CHSY1: variants seen among roughly 807,000 people sequenced by gnomAD.
CHSY1 encodes N-acetylgalactosaminyl-proteoglycan 3-beta-glucuronosyltransferase 1.
In CHSY1, 13 loss-of-function variants were observed where a neutral mutation model predicts 59.8. The ratio of observed to expected loss-of-function variants is 0.22; its 90% CI spans 0.14 to 0.35. The LOEUF is 0.35. Among genes scored for constraint, CHSY1 ranks in the 10% least tolerant of loss-of-function variants. The pLI, the probability that CHSY1 is intolerant of heterozygous loss-of-function variation, is 1.00. For synonymous variants in CHSY1, 459 were observed against 401.2 expected (o/e 1.14, Z -1.72); for missense variants, 947 against 1,030.6 (o/e 0.92, Z 1.11).
chr15:101,205,105 A>G (rs1316622344), intron 2 of CHSY1, among the ~76,000 whole-genome samples: 1 of 152,152 alleles, frequency 6.6e-6, no homozygotes, highest in Non-Finnish European at 1.5e-5. Context: ...TTTCCTCTGT[A>G]ATCTATTTTT....
intron 2 of CHSY1, among the ~76,000 whole-genome samples, chr15:101,232,249 A>C (rs1743400030): frequency 6.6e-6 from 1 of 152,218 alleles, no homozygotes; most frequent in African/African-American, 2.4e-5. Context: ...CTTTAACATA[A>C]GACTCCACCT....
At chr15:101,213,090 GAA>G (rs2038697824) in intron 2 of CHSY1, among the ~76,000 whole-genome samples, 1 of 152,104 alleles carries the variant, frequency 6.6e-6, no homozygotes, top group African/African-American at 2.4e-5. Context: ...TAATTCTTCC[GAA>G]AAGAGGAAGA....
At chr15:101,230,502 ATACAT>A (rs2038882739) in intron 2 of CHSY1, among the ~76,000 whole-genome samples, 1 of 152,240 alleles carries the variant, frequency 6.6e-6, no homozygotes, top group Non-Finnish European at 1.5e-5. Context: ...ATATACATGA[ATACAT>A]TAAACCATAC....
At chr15:101,238,590 C>T (rs953658926) in intron 1 of CHSY1, among the ~76,000 whole-genome samples, 14 of 152,234 alleles carry the variant, frequency 9.2e-5, no homozygotes, top group Admixed American at 4.6e-4. Flanking sequence ...CCCATGACGC[C>T]GGTAACTATA....
At chr15:101,199,725 TG>T (rs919456825) in intron 2 of CHSY1, among the ~76,000 whole-genome samples, 2 of 152,136 alleles carry the variant, frequency 1.3e-5, no homozygotes, top group African/African-American at 4.8e-5. Flanking sequence ...ATGAAAAACC[TG>T]GAAGTGGCAA....
At chr15:101,225,910 G>A (rs1413466424) in intron 2 of CHSY1, among the ~76,000 whole-genome samples, 5 of 152,068 alleles carry the variant, frequency 3.3e-5, no homozygotes, top group African/African-American at 7.2e-5. Flanking sequence ...TAAAGAAAAC[G>A]ATATGTCGAT....
intron 2 of CHSY1, among the ~76,000 whole-genome samples, chr15:101,184,192 G>C (rs1302781866): frequency 6.6e-6 from 1 of 152,162 alleles, no homozygotes; most frequent in African/African-American, 2.4e-5. Flanking sequence ...AAGTGTTTTA[G>C]AAGCTGCCTA....
chr15:101,237,711 C>G (rs184971765), intron 1 of CHSY1, among the ~76,000 whole-genome samples: 1 of 152,210 alleles, frequency 6.6e-6, no homozygotes, highest in Non-Finnish European at 1.5e-5. Context: ...GCTATCATAT[C>G]GCACTTTCCC....
Position 101,205,951 on chromosome 15 carries a change from C to CA in CHSY1, c.817-26972dup, listed in dbSNP as rs1170295420. Among the ~76,000 whole-genome samples the CA allele has an allele frequency of 4.1e-3, 554 of 133,918 alleles. 3 individuals carry two copies. Among genetic ancestry groups the CA allele is most frequent in the East Asian group, 0.029 (136 of 4,670 alleles). The allele number at this position is 133,918 out of a possible 152,430, so 87.9% of individuals were successfully genotyped here. On this transcript the variant is annotated intron_variant, in intron 2 of 2. Coordinates refer to ENST00000254190, the MANE Select transcript of CHSY1 (RefSeq NM_014918.5). ...TGGGCGAAAGAGAGAGACTCCGTCT[C>CA]AAAAAAAAAAAAAGAAGATTGTTTA...
intron 2 of CHSY1, among the ~76,000 whole-genome samples, chr15:101,203,432 CA>C (rs2038592962): frequency 6.6e-6 from 1 of 152,074 alleles, no homozygotes; most frequent in South Asian, 2.1e-4. Context: ...TAAGAATTAC[CA>C]AAAGCCCCCA....
chr15:101,199,583 TTAAA>T (rs1183739062), intron 2 of CHSY1, among the ~76,000 whole-genome samples: 1 of 152,196 alleles, frequency 6.6e-6, no homozygotes, highest in Non-Finnish European at 1.5e-5. Flanking sequence ...ACTTACATAC[TTAAA>T]TGACTGAACT....
Position 101,213,109 on chromosome 15 carries a change from G to A in CHSY1, c.816+21973C>T, listed in dbSNP as rs78173157. On this transcript the variant is annotated intron_variant, in intron 2 of 2. Coordinates refer to ENST00000254190, the MANE Select transcript of CHSY1 (RefSeq NM_014918.5). ...TCTTCCGAAAAGAGGAAGAAATCCA[G>A]ATGGAAGAACGGAGGTGTAGTAAGG... Among the ~76,000 whole-genome samples, 1,131 of 152,248 alleles carry A rather than the reference G, an allele frequency of 7.4e-3. 25 individuals are homozygous for A. Among genetic ancestry groups the A allele is most frequent in the East Asian group, 0.05 (258 of 5,184 alleles).
chr15:101,238,820 T>C (rs2038973312), intron 1 of CHSY1, among the ~76,000 whole-genome samples: 1 of 152,236 alleles, frequency 6.6e-6, no homozygotes, highest in Admixed American at 6.5e-5. Flanking sequence ...CTGCACTTCA[T>C]TTTCACAAAG....
In CHSY1 at chr15:101,177,640, C is replaced by T. The variant is rs1240112575; in HGVS notation, c.2157G>A (p.Glu719=). ...CAACCTTGTTGAAAAGGTCCACATC[C>T]TCCAGCCCCCAGCCTTGGATGGAAA... ...FDVSIQGWGL[E]DVDLFNKVVQ... is the part of the protein sequence containing the mutation. Residue 719 remains glutamate, a synonymous_variant, in exon 3 of 3, where the codon GAG becomes GAA. Transcript: ENST00000254190. 1.2e-6 allele frequency: 2 copies of T among 1,614,088 alleles called. No individual in the cohort carries two copies. The highest frequency in any genetic ancestry group is 2.7e-5 in the African/African-American group (2 of 74,922).
intron 2 of CHSY1, among the ~76,000 whole-genome samples, chr15:101,209,724 G>T (rs1443330729): frequency 6.6e-6 from 1 of 152,196 alleles, no homozygotes; most frequent in African/African-American, 2.4e-5. Context: ...CTCAGGGCAG[G>T]TTATAAATAG....
intron 2 of CHSY1, among the ~76,000 whole-genome samples, chr15:101,183,145 A>AT (rs1451452604): frequency 1.3e-5 from 2 of 152,138 alleles, no homozygotes; most frequent in African/African-American, 4.8e-5. Flanking sequence ...GATCATAACG[A>AT]TAAAAAAAAA....
At chr15:101,241,666 T>A (rs1436804240) in intron 1 of CHSY1, among the ~76,000 whole-genome samples, 1 of 152,226 alleles carries the variant, frequency 6.6e-6, no homozygotes, top group Non-Finnish European at 1.5e-5. Flanking sequence ...TGGGGAGATT[T>A]TCTGTGAGTT....
chr15:101,250,476 T>C (rs1220147098), intron 1 of CHSY1, among the ~76,000 whole-genome samples: 1 of 152,232 alleles, frequency 6.6e-6, no homozygotes, highest in East Asian at 1.9e-4. Flanking sequence ...GCCCAGTTAC[T>C]GGATAACATG....
chr15:101,210,991 A>C (rs2038676567), intron 2 of CHSY1, among the ~76,000 whole-genome samples: 1 of 152,214 alleles, frequency 6.6e-6, no homozygotes, highest in African/African-American at 2.4e-5. Flanking sequence ...ATATCAAATG[A>C]AATAACTAAA....
Sources: allele counts gnomAD v4.1 joint callset (sites outside exome capture counted in the v4.1 genomes callset), GRCh38; gene constraint gnomAD v4.1.1; transcripts MANE v1.5; gene names NCBI Gene and HGNC (gene_info 2026-07-23, HGNC 2026-07-21).